SIPA1L3: variants seen among roughly 807,000 people sequenced by gnomAD.
SIPA1L3 encodes signal induced proliferation associated 1 like 3.
In SIPA1L3, 59 loss-of-function variants were observed where a neutral mutation model predicts 150.1. The ratio of observed to expected loss-of-function variants is 0.39; its 90% CI spans 0.32 to 0.49. SIPA1L3 has a LOEUF of 0.49. Among genes scored for constraint, SIPA1L3 ranks in the 20% least tolerant of loss-of-function variants. SIPA1L3 has a pLI of 0.86. For missense variants in SIPA1L3, 2,211 were observed against 2,489.5 expected (o/e 0.89, Z 2.38); for synonymous variants, 1,070 against 1,077.6 (o/e 0.99, Z 0.14).
intron 4 of SIPA1L3, among the ~76,000 whole-genome samples, chr19:38,092,063 CAAAAAAAAA>C (rs58074748): frequency 1.0e-5 from 1 of 96,976 alleles, no homozygotes; most frequent in Non-Finnish European, 2.2e-5. Context: ...GACTCCATCT[CAAAAAAAAA>C]AAAAAAAGAA....
At chr19:38,006,753 A>C (rs1967948930) in intron 1 of SIPA1L3, among the ~76,000 whole-genome samples, 1 of 152,146 alleles carries the variant, frequency 6.6e-6, no homozygotes, top group Non-Finnish European at 1.5e-5. Context: ...TCCTGTGAGT[A>C]TGACCGGGCA....
intron 12 of SIPA1L3, among the ~76,000 whole-genome samples, chr19:38,146,220 C>T (rs1971701283): frequency 6.6e-6 from 1 of 152,136 alleles, no homozygotes; most frequent in African/African-American, 2.4e-5. Flanking sequence ...ATCAGATGTA[C>T]GTATGCTTCA....
At chr19:38,063,453 C>CT (rs1173676916) in intron 2 of SIPA1L3, among the ~76,000 whole-genome samples, 1 of 152,212 alleles carries the variant, frequency 6.6e-6, no homozygotes, top group Non-Finnish European at 1.5e-5. Context: ...AAGAGTGGGA[C>CT]TTTAACAGAT....
chr19:38,087,587 C>A (rs35969292), intron 3 of SIPA1L3, among the ~76,000 whole-genome samples: 9,691 of 152,176 alleles, frequency 0.064, 1,041 homozygotes, highest in African/African-American at 0.22. Context: ...GGTTATACAT[C>A]AGGAAGAACT....
chr19:38,107,188 T>G (rs540533210), intron 7 of SIPA1L3, among the ~76,000 whole-genome samples: 1 of 152,316 alleles, frequency 6.6e-6, no homozygotes, highest in African/African-American at 2.4e-5. Context: ...CTTAGCCACC[T>G]CAGCAGAAAG....
chr19:38,095,453 C>T (rs1348164422), intron 4 of SIPA1L3, among the ~76,000 whole-genome samples: 1 of 152,148 alleles, frequency 6.6e-6, no homozygotes, highest in Non-Finnish European at 1.5e-5. Flanking sequence ...GCGGGGAGTA[C>T]GTCTGAGTCA....
intron 16 of SIPA1L3, among the ~76,000 whole-genome samples, chr19:38,189,221 A>T (rs1164969550): frequency 6.7e-6 from 1 of 150,252 alleles, no homozygotes; most frequent in Non-Finnish European, 1.5e-5. Context: ...TGCAGCCTCA[A>T]CCTCCCGATC....
At chr19:38,025,893 A>G (rs984020571) in intron 1 of SIPA1L3, among the ~76,000 whole-genome samples, 2 of 152,182 alleles carry the variant, frequency 1.3e-5, no homozygotes, top group East Asian at 3.9e-4. Flanking sequence ...AGTGTTTTAA[A>G]AGCGTGTTTT....
At chr19:37,970,334 C>T (rs1966900671) in intron 1 of SIPA1L3, among the ~76,000 whole-genome samples, 1 of 152,198 alleles carries the variant, frequency 6.6e-6, no homozygotes, top group Non-Finnish European at 1.5e-5. Flanking sequence ...ATAAAAATTT[C>T]ACCACGTTAA....
chr19:38,001,174 A>G (rs575407509), intron 1 of SIPA1L3, among the ~76,000 whole-genome samples: 5 of 151,966 alleles, frequency 3.3e-5, no homozygotes, highest in Non-Finnish European at 1.5e-5. Context: ...TTACTTCAGA[A>G]TAAAGCTCTC....
rs868037842 is a variant in SIPA1L3 at position 38,096,837 on chromosome 19, A to C, written c.1666-3125A>C. Among the ~76,000 whole-genome samples, 5 of 152,286 alleles carry C rather than the reference A, an allele frequency of 3.3e-5. No individual in the cohort carries two copies. In the Middle Eastern group the frequency reaches 0.01, roughly 311 times the overall value. On this transcript the variant is annotated intron_variant, in intron 4 of 21. Transcript: ENST00000222345. ...AGATTAGCATGCCTGGTGATTTAGC[A>C]ATTTCTATCCTAGGCATAAACCCAA...
At chr19:38,182,949 A>G (rs576093752) in intron 16 of SIPA1L3, 1 of 538,498 alleles carries the variant, frequency 1.9e-6, no homozygotes, top group Non-Finnish European at 3.3e-6. Context: ...AACAATAAGT[A>G]GAATAAGAGA....
chr19:37,954,457 G>A (rs991450340), intron 1 of SIPA1L3, among the ~76,000 whole-genome samples: 1 of 152,130 alleles, frequency 6.6e-6, no homozygotes, highest in African/African-American at 2.4e-5. Flanking sequence ...CGTGCTCCTT[G>A]GGAAAATGGG....
chr19:37,969,232 C>T (rs2046931778), intron 1 of SIPA1L3, among the ~76,000 whole-genome samples: 1 of 147,666 alleles, frequency 6.8e-6, no homozygotes, highest in South Asian at 2.1e-4. Context: ...GACCCCATCT[C>T]TGTTAAAAAG....
intron 6 of SIPA1L3, among the ~76,000 whole-genome samples, chr19:38,103,016 A>G (rs1276950947): frequency 6.6e-6 from 1 of 151,298 alleles, no homozygotes; most frequent in African/African-American, 2.4e-5. Flanking sequence ...AATCCCAGCT[A>G]CTTGGGAGGC....
chr19:38,118,997 C>A (rs1970954836), intron 8 of SIPA1L3, among the ~76,000 whole-genome samples: 2 of 152,032 alleles, frequency 1.3e-5, no homozygotes, highest in Admixed American at 6.6e-5. Context: ...GAGTTTGAGA[C>A]CAGCCTGGGC....
At position 38,193,783 on chromosome 19, in the gene SIPA1L3, G is replaced by A. The variant is rs1371912967; in HGVS notation, c.4840+3G>A. ...CAGCGGCTTTCCCGAGAAGAAATGT[G>A]AGCCTGGGCCCCCTGGGACTGGCGC... On this transcript the variant is annotated splice_donor_region_variant and intron_variant, in intron 18 of 21. Coordinates refer to ENST00000222345, the MANE Select transcript of SIPA1L3 (RefSeq NM_015073.3). The A allele has an allele frequency of 1.9e-6, 3 of 1,566,242 alleles. No homozygotes were observed. The highest frequency in any genetic ancestry group is 2.6e-6 in the Non-Finnish European group (3 of 1,166,470).
intron 1 of SIPA1L3, among the ~76,000 whole-genome samples, chr19:38,004,039 G>T (rs2145665772): frequency 6.6e-6 from 1 of 152,254 alleles, no homozygotes; most frequent in African/African-American, 2.4e-5. Context: ...GTGGCTGATT[G>T]CTCACTGGGA....
chr19:38,188,476 G>A (rs1468963209), intron 16 of SIPA1L3, among the ~76,000 whole-genome samples: 2 of 151,880 alleles, frequency 1.3e-5, no homozygotes, highest in African/African-American at 4.8e-5. Flanking sequence ...GAACCACCAT[G>A]CCAGGCCCAA....
Sources: gnomAD v4.1 joint callset for allele counts (sites outside exome capture counted in the v4.1 genomes callset) on GRCh38, gnomAD v4.1.1 for gene constraint, MANE v1.5 for transcripts, NCBI Gene and HGNC (gene_info 2026-07-23, HGNC 2026-07-21) for gene names.